TNS1: variants seen among roughly 807,000 people sequenced by gnomAD.
TNS1 encodes the protein tensin 1, also known as tensin-1.
In TNS1, 62 loss-of-function variants were observed where a neutral mutation model predicts 168.6. That is an observed-to-expected ratio of 0.37 (90% CI 0.30 to 0.45). The LOEUF is 0.45. TNS1 is among the 20% of genes least tolerant of loss of function. The pLI is 1.00. For synonymous variants in TNS1, 934 were observed against 933.2 expected (o/e 1.00, Z -0.02); for missense variants, 2,240 against 2,339.4 (o/e 0.96, Z 0.88).
intron 18 of TNS1, among the ~76,000 whole-genome samples, chr2:217,874,258 C>T (rs1950028015): frequency 6.6e-6 from 1 of 152,198 alleles, no homozygotes; most frequent in African/African-American, 2.4e-5. Flanking sequence ...TTTTTAATCA[C>T]ATCCTACAAA....
chr2:217,903,614 A>T, intron 6 of TNS1: 6 of 1,536,066 alleles, frequency 3.9e-6, no homozygotes, highest in Non-Finnish European at 5.2e-6. Context: ...TCCAAAACAC[A>T]ATCCTTCCTT....
intron 4 of TNS1, among the ~76,000 whole-genome samples, chr2:217,916,950 A>G (rs1478353760): frequency 6.6e-6 from 1 of 152,234 alleles, no homozygotes; most frequent in Non-Finnish European, 1.5e-5. Flanking sequence ...ACCGAGGCTG[A>G]AGGGCAGGCA....
chr2:217,937,750 C>T (rs569935726), intron 3 of TNS1, among the ~76,000 whole-genome samples: 1 of 152,098 alleles, frequency 6.6e-6, no homozygotes, highest in Non-Finnish European at 1.5e-5. Context: ...TGAGGCCCAG[C>T]GAGAGAAGGG....
chr2:217,815,081 T>C (rs1442307921), intron 24 of TNS1, 83 bp from the exon 25 acceptor site: 1 of 1,130,530 alleles, frequency 8.8e-7, no homozygotes, highest in Non-Finnish European at 1.3e-6. Context: ...CCCCCAGTGC[T>C]TGTGAATTTG....
chr2:218,014,920 G>GC (rs1228982429), upstream of TNS1, among the ~76,000 whole-genome samples: 29 of 78,288 alleles, frequency 3.7e-4, no homozygotes, highest in African/African-American at 1.2e-3. Flanking sequence ...AGGAAGGAAG[G>GC]AAGGCAGGCA....
At chr2:217,884,945 G>A in intron 16 of TNS1, 90 bp downstream of exon 16, 2 of 1,528,564 alleles carry the variant, frequency 1.3e-6, no homozygotes, top group East Asian at 2.3e-5. Flanking sequence ...GTCCAGAAAA[G>A]ATGGTCCCCA....
intron 21 of TNS1, among the ~76,000 whole-genome samples, chr2:217,834,319 C>G (rs994094674): frequency 1.3e-5 from 2 of 152,260 alleles, no homozygotes; most frequent in Admixed American, 1.3e-4. Flanking sequence ...GCCCAGCCAA[C>G]CTGATCCCTG....
Position 217,929,762 on chromosome 2 carries a change from T to C in TNS1, c.187-9526A>G, listed in dbSNP as rs186696223. ...AGGCCCATGTGTCTGTCTTCCTTCA[T>C]TCTTTCCCCTCCCTTCCACCAAGCC... On this transcript the variant is annotated intron_variant, in intron 3 of 32. Transcript: ENST00000682258. 1.7e-3 allele frequency among the ~76,000 whole-genome samples: 253 copies of C among 147,334 alleles called. 7 individuals carry two copies. The East Asian group carries it at 0.042, about 25-fold the overall frequency.
rs143113579 is a variant in TNS1 at position 217,805,189 on chromosome 2, G to T, written c.5376-586C>A. 3.1e-3 allele frequency among the ~76,000 whole-genome samples: 477 copies of T among 151,688 alleles called. 2 individuals carry two copies. Among genetic ancestry groups the T allele is most frequent in the Middle Eastern group, 0.017 (5 of 294 alleles). On this transcript the variant is annotated intron_variant, in intron 32 of 32. Transcript: ENST00000682258. ...ACCCGTTCCCCACCCCCACCCGCAG[G>T]ACTGGAGTGACCCAGCATTCTCTTC...
intron 3 of TNS1, among the ~76,000 whole-genome samples, chr2:217,951,658 C>T (rs1344333536): frequency 1.3e-5 from 2 of 152,102 alleles, no homozygotes; most frequent in Non-Finnish European, 2.9e-5. Flanking sequence ...CCCAGGCCCT[C>T]AGGGCTCACT....
In TNS1 at chr2:217,892,938, C is replaced by A; in HGVS notation, c.782+10G>T. 1.9e-6 allele frequency: 3 copies of A among 1,613,938 alleles called. No individual in the cohort carries two copies. The highest frequency in any genetic ancestry group is 1.3e-5 in the African/African-American group (1 of 75,052). On this transcript the variant is annotated intron_variant, in intron 11 of 32. Transcript: ENST00000682258. ...TGTTCAGAGGATGGGAGGCTCCAGG[C>A]CCCTCTTACCTGGCAGAAATGTTGC...
intron 1 of TNS1, chr2:218,009,986 G>A (rs1958691245): frequency 5.1e-6 from 2 of 394,190 alleles, no homozygotes; most frequent in South Asian, 1.4e-4. Context: ...GGGTCCCTGA[G>A]AGTGGAGGGT....
At chr2:217,833,200 C>T (rs775496228) in intron 21 of TNS1, among the ~76,000 whole-genome samples, 39 of 152,332 alleles carry the variant, frequency 2.6e-4, no homozygotes, top group Non-Finnish European at 4.6e-4. Context: ...CAGGTGGGCC[C>T]GTGAGGAGGT....
At chr2:217,946,634 G>A (rs567295350) in intron 3 of TNS1, among the ~76,000 whole-genome samples, 3 of 152,224 alleles carry the variant, frequency 2.0e-5, no homozygotes, top group East Asian at 1.9e-4. Flanking sequence ...ATCCCACAAA[G>A]GTCTGTGACA....
At chr2:217,891,252 G>T (rs924312756) in intron 11 of TNS1, among the ~76,000 whole-genome samples, 1 of 152,160 alleles carries the variant, frequency 6.6e-6, no homozygotes, top group Admixed American at 6.5e-5. Context: ...ACTGTGCAGG[G>T]CCGCACTCAG....
At chr2:217,942,059 T>C (rs78492978) in intron 3 of TNS1, among the ~76,000 whole-genome samples, 4,712 of 152,292 alleles carry the variant, frequency 0.031, 119 homozygotes, top group South Asian at 0.067. Flanking sequence ...CCAGGTTCTC[T>C]GTGCTTATAC....
intron 3 of TNS1, among the ~76,000 whole-genome samples, chr2:217,951,606 C>T (rs1338228434): frequency 6.6e-6 from 1 of 152,118 alleles, no homozygotes; most frequent in African/African-American, 2.4e-5. Context: ...TATCAGGGCT[C>T]TCCTTGACCT....
At chr2:218,009,684 C>T (rs1296934541) in intron 1 of TNS1, among the ~76,000 whole-genome samples, 1 of 152,202 alleles carries the variant, frequency 6.6e-6, no homozygotes, top group Non-Finnish European at 1.5e-5. Flanking sequence ...AACTCGGTGG[C>T]TTCTGGGGAT....
intron 18 of TNS1, among the ~76,000 whole-genome samples, chr2:217,861,237 C>T (rs986819887): frequency 3.9e-5 from 6 of 152,272 alleles, no homozygotes; most frequent in African/African-American, 1.4e-4. Context: ...TTACAGTGCC[C>T]GATGGAGTGG....
Sources: gnomAD v4.1 joint callset for allele counts (sites outside exome capture counted in the v4.1 genomes callset) on GRCh38, gnomAD v4.1.1 for gene constraint, MANE v1.5 for transcripts, NCBI Gene and HGNC (gene_info 2026-07-23, HGNC 2026-07-21) for gene names.